The following NRXN1 variants were observed in gnomAD, a reference collection of about 807,000 sequenced individuals.
NRXN1 encodes neurexin 1, also known as neurexin-1.
In NRXN1, 39 loss-of-function variants were observed where a neutral mutation model predicts 150.9. The observed-to-expected ratio is 0.26, with a 90% CI of 0.20 to 0.34. The LOEUF (loss-of-function observed/expected upper bound fraction) is 0.34. Among genes scored for constraint, NRXN1 ranks in the 10% least tolerant of loss-of-function variants. The pLI is 1.00. For missense variants in NRXN1, 1,815 were observed against 1,949.9 expected (o/e 0.93, Z 1.30); for synonymous variants, 924 against 757.0 (o/e 1.22, Z -3.62).
At position 50,347,509 on chromosome 2, in the gene NRXN1, C is replaced by T. The variant is rs1020433651; in HGVS notation, c.3365-110539G>A. The T allele has an allele frequency of 5.7e-6, 6 of 1,049,714 alleles. No individual in the cohort carries two copies. Among genetic ancestry groups the T allele is most frequent in the Non-Finnish European group, 6.9e-6 (6 of 868,178 alleles). 65.0% of individuals were successfully genotyped at this position (1,049,714 alleles called of 1,614,324 possible). A position where few individuals can be genotyped will look rare whatever the true frequency, so the allele number is the denominator to read the frequency against. On this transcript the variant is annotated intron_variant, in intron 17 of 22. Transcript: ENST00000401669. This position sits in a 1 kb window ranked among gnomAD's most constrained non-coding sequence, Gnocchi z 4.9. ...GGCGCCCCTTCCCTCCATTCAGCCC[C>T]GGCCGGCTCGCCCGCTAGCGCCAGC...
chr2:50,576,475 T>A (rs182099084), intron 8 of NRXN1, among the ~76,000 whole-genome samples: 3 of 152,166 alleles, frequency 2.0e-5, no homozygotes, highest in Non-Finnish European at 2.9e-5. Context: ...TATTAAATCA[T>A]GTTTTTACTC....
intron 15 of NRXN1, among the ~76,000 whole-genome samples, chr2:50,489,942 G>A (rs920002950): frequency 6.6e-6 from 1 of 152,084 alleles, no homozygotes; most frequent in African/African-American, 2.4e-5. Flanking sequence ...CCTTAAGGTA[G>A]GATTAAAACA....
chr2:50,497,671 T>A lies in NRXN1; in HGVS notation c.2541A>T (p.Ile847=). The A allele has an allele frequency of 6.2e-7, 1 of 1,613,828 alleles. No homozygotes were observed. The highest frequency in any genetic ancestry group is 8.5e-7 in the Non-Finnish European group (1 of 1,179,728). The change falls in exon 14 of 23, where the codon ATA becomes ATT. Residue 847 remains isoleucine (I), a synonymous_variant. Transcript: ENST00000401669. The part of the protein sequence containing the change: ...GDHTRLEFHN[I]ETGIITERRY... ...GTCGTTCTGTGATGATGCCAGTCTCTATGTTATGGAACTCCAGCCTAGTAT... is the reference window on the plus strand; with the variant it reads ...GTCGTTCTGTGATGATGCCAGTCTCAATGTTATGGAACTCCAGCCTAGTAT...
chr2:50,354,376 C>G (rs2078634633), intron 17 of NRXN1, among the ~76,000 whole-genome samples: 3 of 151,704 alleles, frequency 2.0e-5, no homozygotes. Flanking sequence ...AACTTGCTAG[C>G]TATGTGGCCT....
At chr2:50,800,293 T>C (rs2105684217) in intron 5 of NRXN1, among the ~76,000 whole-genome samples, 1 of 152,340 alleles carries the variant, frequency 6.6e-6, no homozygotes, top group South Asian at 2.1e-4. Context: ...AGGATCACTC[T>C]TCCCGTCTCA....
intron 17 of NRXN1, 36 bp from the exon 18 acceptor site, chr2:50,237,006 A>G (rs1247576554): frequency 6.2e-7 from 1 of 1,601,638 alleles, no homozygotes; most frequent in East Asian, 2.2e-5. Context: ...TAGTCCAAAT[A>G]CATCAAGTCT....
At chr2:50,547,901 A>G (rs1252494231) in intron 9 of NRXN1, among the ~76,000 whole-genome samples, 2 of 152,186 alleles carry the variant, frequency 1.3e-5, no homozygotes, top group Non-Finnish European at 2.9e-5. Flanking sequence ...AGAATTAGTC[A>G]AACTGTGGAA....
chr2:50,525,256 A>G (rs1345139508), intron 12 of NRXN1, among the ~76,000 whole-genome samples: 1 of 152,234 alleles, frequency 6.6e-6, no homozygotes, highest in African/African-American at 2.4e-5. Context: ...GTTAATATTT[A>G]GTTTTTGTTA....
At position 50,437,113 on chromosome 2, in the gene NRXN1, G is replaced by A. The variant is rs577603993; in HGVS notation, c.3364+28329C>T. 2.3e-4 allele frequency among the ~76,000 whole-genome samples: 35 copies of A among 152,224 alleles called. 1 individual carries two copies. In the South Asian group the frequency reaches 6.8e-3, roughly 30 times the overall value. Reference sequence around the variant, plus strand: ...AGCACACCTACTTTCAAGCTCATACGTGAATATAAAAGGCTATTTTATTTT... The same window carrying A: ...AGCACACCTACTTTCAAGCTCATACATGAATATAAAAGGCTATTTTATTTT... On this transcript the variant is annotated intron_variant, in intron 17 of 22. Coordinates refer to ENST00000401669, the MANE Select transcript of NRXN1 (RefSeq NM_001330078.2).
At position 50,342,009 on chromosome 2, in the gene NRXN1, T is replaced by C. The variant is rs556391885; in HGVS notation, c.3365-105039A>G. 2.9e-3 allele frequency among the ~76,000 whole-genome samples: 446 copies of C among 152,346 alleles called. 1 individual carries two copies. The highest frequency in any genetic ancestry group is 4.7e-3 in the Non-Finnish European group (319 of 68,026). ...AATAGCTTGGATTTTTAGAACTAAG[T>C]TGTAAACTTCTTGATGGTTCTGCCT... On this transcript the variant is annotated intron_variant, in intron 17 of 22. Coordinates refer to ENST00000401669, the MANE Select transcript of NRXN1 (RefSeq NM_001330078.2).
chr2:50,753,865 C>T (rs1174300667), intron 5 of NRXN1, among the ~76,000 whole-genome samples: 1 of 149,982 alleles, frequency 6.7e-6, no homozygotes, highest in Non-Finnish European at 1.5e-5. Flanking sequence ...GACTGACAAG[C>T]CACAAACATA....
At chr2:50,283,289 C>A (rs1166049583) in intron 17 of NRXN1, among the ~76,000 whole-genome samples, 2 of 152,182 alleles carry the variant, frequency 1.3e-5, no homozygotes, top group Admixed American at 6.5e-5. Flanking sequence ...ACTAAAAAGA[C>A]AATAATCTTT....
At chr2:50,439,051 G>A (rs1460651384) in intron 17 of NRXN1, among the ~76,000 whole-genome samples, 2 of 152,166 alleles carry the variant, frequency 1.3e-5, no homozygotes, top group Admixed American at 1.3e-4. Flanking sequence ...GGGCCACTGT[G>A]GGTTCTAATG....
chr2:50,177,188 G>C (rs1194055018), intron 18 of NRXN1, among the ~76,000 whole-genome samples: 1 of 152,012 alleles, frequency 6.6e-6, no homozygotes, highest in East Asian at 1.9e-4. Context: ...TGGGTTTCTT[G>C]TGCACCCATC....
At chr2:50,349,200 C>T (rs547262467) in intron 17 of NRXN1, among the ~76,000 whole-genome samples, 2 of 152,252 alleles carry the variant, frequency 1.3e-5, no homozygotes, top group South Asian at 2.1e-4. Flanking sequence ...TTGATTGAAA[C>T]AGTTCAGCCT....
chr2:50,296,415 A>T (rs2073566161), intron 17 of NRXN1, among the ~76,000 whole-genome samples: 1 of 152,056 alleles, frequency 6.6e-6, no homozygotes, highest in Non-Finnish European at 1.5e-5. Context: ...TGTTAAATGG[A>T]TATATTGTAT....
At chr2:50,061,230 T>C (rs1409259744) in intron 19 of NRXN1, among the ~76,000 whole-genome samples, 1 of 152,214 alleles carries the variant, frequency 6.6e-6, no homozygotes, top group African/African-American at 2.4e-5. Flanking sequence ...TTTAATACTG[T>C]CCATTGTTCA....
rs1040103064 is a variant in NRXN1 at position 50,814,420 on chromosome 2, T to C, written c.832+107449A>G. The stretch of plus-strand genomic sequence containing the variant: ...CAAACCCTGTGAATCTACTGTAAAA[T>C]GAATTCATAAACCAAGAGTCATTGC... On this transcript the variant is annotated intron_variant, in intron 5 of 22. Transcript: ENST00000401669. Among the ~76,000 whole-genome samples, 4 of 151,214 alleles carry C rather than the reference T, an allele frequency of 2.6e-5. No individual in the cohort carries two copies. In the South Asian group the frequency reaches 8.4e-4, roughly 32 times the overall value.
intron 18 of NRXN1, among the ~76,000 whole-genome samples, chr2:50,130,366 ATCC>A (rs1273527289): frequency 6.6e-6 from 1 of 152,136 alleles, no homozygotes; most frequent in Non-Finnish European, 1.5e-5. Context: ...CTTCTTAGGC[ATCC>A]TCTTCTCAGA....
Sources: gnomAD v4.1 joint callset for allele counts (sites outside exome capture counted in the v4.1 genomes callset) on GRCh38, gnomAD v4.1.1 for gene constraint, Gnocchi (gnomAD v3.1) non-coding constraint, MANE v1.5 for transcripts, NCBI Gene and HGNC (gene_info 2026-07-23, HGNC 2026-07-21) for gene names.